Variants in FARS2 observed in about 807,000 individuals in gnomAD.
The protein encoded by FARS2 is phenylalanyl-tRNA synthetase 2, mitochondrial.
A neutral mutation model predicts 46.4 loss-of-function variants in FARS2; 40 were observed. The observed-to-expected ratio is 0.86, with a 90% CI of 0.67 to 1.12. The LOEUF (loss-of-function observed/expected upper bound fraction) is 1.12. Among genes scored for constraint, FARS2 ranks in the 50% most tolerant of loss-of-function variants. The probability of loss-of-function intolerance (pLI) is 0.00; values close to 1 mark genes in which losing one functional copy is unlikely to be tolerated. For synonymous variants in FARS2, 234 were observed against 214.9 expected (o/e 1.09, Z -0.78); for missense variants, 513 against 567.9 (o/e 0.90, Z 0.98).
intron 6 of FARS2, among the ~76,000 whole-genome samples, chr6:5,689,422 G>C (rs1169995506): frequency 6.6e-6 from 1 of 152,106 alleles, no homozygotes; most frequent in Non-Finnish European, 1.5e-5. Flanking sequence ...TGGTTTCAAA[G>C]AACATCTTTA....
At chr6:5,586,150 C>T (rs1410383938) in intron 5 of FARS2, among the ~76,000 whole-genome samples, 1 of 152,092 alleles carries the variant, frequency 6.6e-6, no homozygotes. Context: ...TATGTGAGCT[C>T]ATATTATCTT....
chr6:5,405,288 C>T (rs367595244), intron 3 of FARS2, among the ~76,000 whole-genome samples: 48 of 152,094 alleles, frequency 3.2e-4, no homozygotes, highest in Middle Eastern at 3.4e-3. Context: ...AGTTCAGGTA[C>T]GAAATGTTTC....
At chr6:5,403,501 T>A (rs1761381947) in intron 2 of FARS2, among the ~76,000 whole-genome samples, 1 of 152,186 alleles carries the variant, frequency 6.6e-6, no homozygotes, top group South Asian at 2.1e-4. Flanking sequence ...GCTTTGTGCT[T>A]ACTTTATTTT....
At chr6:5,417,821 T>C (rs1243593032) in intron 3 of FARS2, among the ~76,000 whole-genome samples, 1 of 152,236 alleles carries the variant, frequency 6.6e-6, no homozygotes, top group Admixed American at 6.5e-5. Flanking sequence ...AGATACTTTC[T>C]GTTACTCTCC....
At chr6:5,555,121 T>A (rs1038818892) in intron 5 of FARS2, among the ~76,000 whole-genome samples, 4 of 152,074 alleles carry the variant, frequency 2.6e-5, no homozygotes, top group Non-Finnish European at 5.9e-5. Context: ...TGATAGTGAG[T>A]AAGTCTCACG....
At chr6:5,349,875 T>A (rs1364080872) in intron 1 of FARS2, among the ~76,000 whole-genome samples, 2 of 151,400 alleles carry the variant, frequency 1.3e-5, no homozygotes, top group Middle Eastern at 3.4e-3. Context: ...TAGACTGGAG[T>A]TATATGTTTT....
chr6:5,695,127 T>TGATGACG (rs1379129448), intron 6 of FARS2: 1 of 152,270 alleles, frequency 6.6e-6, no homozygotes, highest in Non-Finnish European at 1.5e-5. Flanking sequence ...AAAGTTAAGG[T>TGATGACG]GATGACGCTG....
At chr6:5,695,046 A>C (rs1237190070) in intron 6 of FARS2, 2 of 152,180 alleles carry the variant, frequency 1.3e-5, no homozygotes, top group Non-Finnish European at 2.9e-5. Flanking sequence ...ATGCCATGTA[A>C]GCTTTTACAC....
intron 1 of FARS2, among the ~76,000 whole-genome samples, chr6:5,275,336 A>G (rs1766262338): frequency 1.3e-5 from 2 of 152,178 alleles, no homozygotes; most frequent in Non-Finnish European, 2.9e-5. Context: ...CTCAGTTTAA[A>G]TTACACCCTT....
At chr6:5,263,011 A>G (rs1765299256) in intron 1 of FARS2, among the ~76,000 whole-genome samples, 1 of 152,256 alleles carries the variant, frequency 6.6e-6, no homozygotes. Flanking sequence ...ATGAAATGAT[A>G]TGCGGCACCT....
intron 3 of FARS2, 39 bp from the exon 4 acceptor site, chr6:5,431,002 A>G (rs375267240): frequency 6.2e-7 from 1 of 1,603,504 alleles, no homozygotes; most frequent in Non-Finnish European, 8.5e-7. Flanking sequence ...GCAGACAGCT[A>G]TTTAACACTA....
chr6:5,585,506 C>G (rs1366312277), intron 5 of FARS2, among the ~76,000 whole-genome samples: 3 of 151,872 alleles, frequency 2.0e-5, no homozygotes, highest in Non-Finnish European at 4.4e-5. Context: ...AACCACCTTT[C>G]TACTCTTTGC....
intron 1 of FARS2, among the ~76,000 whole-genome samples, chr6:5,313,215 C>T (rs1769212818): frequency 1.3e-5 from 2 of 152,242 alleles, no homozygotes; most frequent in Non-Finnish European, 2.9e-5. Flanking sequence ...AATCACCTGC[C>T]CCTTTTCATC....
In FARS2 at chr6:5,368,957, G is replaced by A; in HGVS notation, c.387G>A (p.Leu129=). 3 of 1,614,148 alleles carry A rather than the reference G, an allele frequency of 1.9e-6. No individual in the cohort carries two copies. The highest frequency in any genetic ancestry group is 2.5e-6 in the Non-Finnish European group (3 of 1,180,024). ...CGACCTGGCAGAACTTTGACAGCCT[G>A]CTCATCCCAGCTGATCACCCCAGCA... ...VVTTWQNFDS[L]LIPADHPSRK... Residue 129 remains leucine, a synonymous_variant, in exon 2 of 7, where the codon CTG becomes CTA. Coordinates refer to ENST00000274680, the MANE Select transcript of FARS2 (RefSeq NM_006567.5).
At chr6:5,690,978 A>G (rs1289469330) in intron 6 of FARS2, among the ~76,000 whole-genome samples, 1 of 152,012 alleles carries the variant, frequency 6.6e-6, no homozygotes, top group Non-Finnish European at 1.5e-5. Flanking sequence ...CCTTTCTTCC[A>G]TTTGATCGAA....
In FARS2 at chr6:5,674,193, TAAAAA is replaced by T. The variant is rs71540878; in HGVS notation, c.1217+60890_1217+60894del. Among the ~76,000 whole-genome samples the T allele has an allele frequency of 8.3e-4, 63 of 76,360 alleles. No homozygotes were observed. The South Asian group carries it at 0.022, about 27-fold the overall frequency. 50.1% of individuals were successfully genotyped at this position (76,360 alleles called of 152,430 possible). ...TTCTTTTCAGTTAGTGCATTCTCAT[TAAAAA>T]AAAAAAAAAAAAAAAAGGAAAGAAA... On this transcript the variant is annotated intron_variant, in intron 6 of 6. Transcript: ENST00000274680.
At chr6:5,734,161 T>C (rs1463333491) in intron 6 of FARS2, among the ~76,000 whole-genome samples, 2 of 152,146 alleles carry the variant, frequency 1.3e-5, no homozygotes, top group African/African-American at 2.4e-5. Flanking sequence ...ATAATTCTTG[T>C]GAGAATTCTA....
intron 2 of FARS2, among the ~76,000 whole-genome samples, chr6:5,370,418 T>C (rs768206938): frequency 3.3e-5 from 5 of 152,022 alleles, no homozygotes; most frequent in Non-Finnish European, 7.4e-5. Flanking sequence ...TTAGGAAAAA[T>C]AATGATTAAT....
chr6:5,399,139 A>ATTATTATTATTATTAGATTTTATATTATT (rs1761088995), intron 2 of FARS2, among the ~76,000 whole-genome samples: 2 of 92,008 alleles, frequency 2.2e-5, no homozygotes, highest in Non-Finnish European at 4.3e-5. Context: ...TATTATTATT[A>ATTATTATTATTATTAGATTTTATATTATT]TTATTATTAT....
Sources: allele counts gnomAD v4.1 joint callset (sites outside exome capture counted in the v4.1 genomes callset), GRCh38; gene constraint gnomAD v4.1.1; transcripts MANE v1.5; gene names NCBI Gene and HGNC (gene_info 2026-07-23, HGNC 2026-07-21).